OR4E2: variants seen among roughly 807,000 people sequenced by gnomAD.
OR4E2 encodes olfactory receptor 4E2.
Under a neutral mutation model 11.0 loss-of-function variants are expected in OR4E2, and 9 were observed. That is an observed-to-expected ratio of 0.82 (90% CI 0.49 to 1.43). The LOEUF (loss-of-function observed/expected upper bound fraction) is 1.43, where lower values mean the gene tolerates loss of function less well. Ranked by LOEUF, OR4E2 falls within the 40% of genes most tolerant of loss-of-function variation. The pLI, the probability that OR4E2 is intolerant of heterozygous loss-of-function variation, is 0.00. For missense variants in OR4E2, 441 were observed against 382.0 expected (o/e 1.15, Z -1.29); for synonymous variants, 159 against 147.3 (o/e 1.08, Z -0.57).
At chr14:21,657,921 A>G (rs1418963533) in intron 2 of OR4E2, among the ~76,000 whole-genome samples, 1 of 151,880 alleles carries the variant, frequency 6.6e-6, no homozygotes, top group Non-Finnish European at 1.5e-5. Context: ...AGAAGCAAGG[A>G]CATCATTTTG....
Position 21,665,470 on chromosome 14 carries a change from C to G in OR4E2, c.388C>G (p.Leu130Val), listed in dbSNP as rs772207667. 9 of 1,614,156 alleles carry G rather than the reference C, an allele frequency of 5.6e-6. No individual in the cohort carries two copies. The highest frequency in any genetic ancestry group is 7.6e-6 in the Non-Finnish European group (9 of 1,180,022). The stretch of plus-strand genomic sequence containing the variant: ...TCGTTACGTGGCTATCTGCACTCCA[C>G]TCCACTACCCCAATGTGATGAACAT... ...YDRYVAICTPLHYPNVMNMRV... is the reference protein window; with the variant it reads ...YDRYVAICTPVHYPNVMNMRV... Residue 130 changes from leucine to valine, a missense_variant, in exon 4 of 4, where the codon CTC becomes GTC. Leu to Val is a conservative substitution (Grantham distance 32). Coordinates refer to ENST00000641524, the MANE Select transcript of OR4E2 (RefSeq NM_001001912.3).
At chr14:21,657,674 C>T (rs1046817261) in intron 2 of OR4E2, among the ~76,000 whole-genome samples, 1 of 151,118 alleles carries the variant, frequency 6.6e-6, no homozygotes, top group African/African-American at 2.4e-5. Flanking sequence ...CACTGCAACC[C>T]CTACCTCCCA....
intron 3 of OR4E2, among the ~76,000 whole-genome samples, 177 bp from the exon 4 acceptor site, chr14:21,664,898 C>A (rs1188685854): frequency 1.3e-5 from 2 of 152,082 alleles, no homozygotes; most frequent in East Asian, 3.8e-4. Flanking sequence ...AATAGAAGTG[C>A]CTGGCATGGC....
chr14:21,664,082 T>C (rs1170949246), intron 3 of OR4E2, among the ~76,000 whole-genome samples: 1 of 152,260 alleles, frequency 6.6e-6, no homozygotes, highest in African/African-American at 2.4e-5. Context: ...TGTATCTTTA[T>C]AATTGAATAA....
intron 3 of OR4E2, among the ~76,000 whole-genome samples, chr14:21,663,307 G>A (rs533445567): frequency 1.3e-5 from 2 of 151,960 alleles, no homozygotes; most frequent in East Asian, 1.9e-4. Flanking sequence ...GTGAAACCCC[G>A]TCTCTACTAA....
At chr14:21,662,742 G>A (rs1019455650) in intron 3 of OR4E2, among the ~76,000 whole-genome samples, 3 of 152,092 alleles carry the variant, frequency 2.0e-5, no homozygotes, top group African/African-American at 7.2e-5. Context: ...CCTGATGTAA[G>A]CCCTGTGAAC....
At chr14:21,657,440 T>C (rs12884703) in intron 2 of OR4E2, among the ~76,000 whole-genome samples, 73 of 76,362 alleles carry the variant, frequency 9.6e-4, no homozygotes, top group African/African-American at 2.8e-3. Flanking sequence ...TTCTTCTTTC[T>C]TTCCTTCCTT....
In OR4E2 at chr14:21,657,389, T is replaced by TTCCTTCCTTC. The variant is rs1566581708; in HGVS notation, c.-103+800_-103+801insTCCTTCCTTC. Among the ~76,000 whole-genome samples, 402 of 82,252 alleles carry TTCCTTCCTTC rather than the reference T, an allele frequency of 4.9e-3. 12 individuals carry two copies. The highest frequency in any genetic ancestry group is 0.035 in the Middle Eastern group (5 of 144). The allele number at this position is 82,252 out of a possible 152,430, so 54.0% of individuals were successfully genotyped here. A position where few individuals can be genotyped will look rare whatever the true frequency, so the allele number is the denominator to read the frequency against. ...TCCTTCCTTCCTTCCTTCCTTCCTTTCTTTCTTCCTTCCTTCCTTTCTTTC... is the reference window on the plus strand; with the variant it reads ...TCCTTCCTTCCTTCCTTCCTTCCTTTTCCTTCCTTCCTTTCTTCCTTCCTTCCTTTCTTTC... On this transcript the variant is annotated intron_variant, in intron 2 of 3. Transcript: ENST00000641524.
At chr14:21,654,447 GCA>G (rs374926097) in intron 1 of OR4E2, among the ~76,000 whole-genome samples, 12 of 149,038 alleles carry the variant, frequency 8.1e-5, no homozygotes, top group African/African-American at 2.7e-4. Context: ...ACACATGCAT[GCA>G]CACACACACA....
Position 21,666,288 on chromosome 14 carries a change from C to T in OR4E2, c.*264C>T. 2.8e-6 allele frequency: 1 copy of T among 361,810 alleles called. No homozygotes were observed. The highest frequency in any genetic ancestry group is 5.0e-6 in the Non-Finnish European group (1 of 200,608). 22.4% of individuals were successfully genotyped at this position (361,810 alleles called of 1,614,324 possible). On this transcript the variant is annotated 3_prime_UTR_variant, in exon 4 of 4. Coordinates refer to ENST00000641524, the MANE Select transcript of OR4E2 (RefSeq NM_001001912.3). The stretch of plus-strand genomic sequence containing the variant: ...GTTTAAAGACAGCTTTTGATTTCAT[C>T]AGTAAAAGAATACAATTTGGGGAAC...
rs988958426 is a variant in OR4E2, at chr14:21,665,556, G to T, written c.474G>T (p.Gly158=). The part of the protein sequence containing the change: ...LWLGGTVHSL[G]QTFLTIRLPY... ...TGGGGGGTACTGTTCACTCACTAGG[G>T]CAGACCTTCTTGACTATTCGTCTAC... Residue 158 remains glycine (G), a synonymous_variant, in exon 4 of 4, where the codon GGG becomes GGT. Transcript: ENST00000641524. 6.2e-7 allele frequency: 1 copy of T among 1,614,088 alleles called. No homozygotes were observed.
chr14:21,659,706 T>C (rs1430353857), intron 2 of OR4E2, among the ~76,000 whole-genome samples: 1 of 152,226 alleles, frequency 6.6e-6, no homozygotes, highest in Non-Finnish European at 1.5e-5. Flanking sequence ...AGAGAAGTTA[T>C]AATCGTTCAA....
chr14:21,659,648 G>A (rs1880202401), intron 2 of OR4E2, among the ~76,000 whole-genome samples: 1 of 152,088 alleles, frequency 6.6e-6, no homozygotes, highest in Admixed American at 6.6e-5. Context: ...TAATCTTTAA[G>A]CTAGTAAACT....
chr14:21,655,614 A>G (rs1879897888), intron 1 of OR4E2, among the ~76,000 whole-genome samples: 1 of 152,200 alleles, frequency 6.6e-6, no homozygotes, highest in South Asian at 2.1e-4. Context: ...TTGAAGCTAC[A>G]GGGAACTATG....
In OR4E2 at chr14:21,667,405, C is replaced by A. The variant is rs1388479352; in HGVS notation, c.*1381C>A. The A allele has an allele frequency of 1.3e-5, 2 of 152,018 alleles. No individual in the cohort carries two copies. The highest frequency in any genetic ancestry group is 4.8e-5 in the African/African-American group (2 of 41,376). 9.4% of individuals were successfully genotyped at this position (152,018 alleles called of 1,614,324 possible). A position where few individuals can be genotyped will look rare whatever the true frequency, so the allele number is the denominator to read the frequency against. On this transcript the variant is annotated 3_prime_UTR_variant, in exon 4 of 4. Coordinates refer to ENST00000641524, the MANE Select transcript of OR4E2 (RefSeq NM_001001912.3). ...TAACTAAAGAGTAATACATGATTAC[C>A]TTTTAGTAATCAAAAGGACAAAGAA...
chr14:21,658,961 G>T (rs1457871059), intron 2 of OR4E2, among the ~76,000 whole-genome samples: 1 of 152,098 alleles, frequency 6.6e-6, no homozygotes, highest in Admixed American at 6.6e-5. Flanking sequence ...TTGATGTACA[G>T]ATCAACTTAC....
chr14:21,665,350 A>T lies in OR4E2; in HGVS notation c.268A>T (p.Lys90Ter). Residue 90 changes from lysine (K) to a stop codon, truncating the protein, a stop_gained, in exon 4 of 4, where the codon AAG becomes TAG. Transcript: ENST00000641524. LOFTEE classifies it high-confidence loss of function. The part of the protein sequence containing the change: ...KMLEGLLLER[K>*]TISFDNCITQ... ...GTTGGAGGGTTTGCTTTTAGAAAGA[A>T]AGACCATTTCCTTTGACAACTGCAT... 1 of 1,614,116 alleles carries T rather than the reference A, an allele frequency of 6.2e-7. No homozygotes were observed. Among genetic ancestry groups the T allele is most frequent in the Non-Finnish European group, 8.5e-7 (1 of 1,180,010 alleles).
chr14:21,663,487 AT>A (rs570978838), intron 3 of OR4E2, among the ~76,000 whole-genome samples: 5 of 149,796 alleles, frequency 3.3e-5, no homozygotes, highest in African/African-American at 4.9e-5. Context: ...CTCGAAAAAA[AT>A]TTTTTTTTTT....
At chr14:21,663,714 G>T (rs1880466559) in intron 3 of OR4E2, among the ~76,000 whole-genome samples, 1 of 152,180 alleles carries the variant, frequency 6.6e-6, no homozygotes, top group South Asian at 2.1e-4. Context: ...AGGATGTGCA[G>T]TTTTGTTACA....
Sources: allele counts gnomAD v4.1 joint callset (sites outside exome capture counted in the v4.1 genomes callset), GRCh38; gene constraint gnomAD v4.1.1; transcripts MANE v1.5; gene names NCBI Gene and HGNC (gene_info 2026-07-23, HGNC 2026-07-21).